The following CAB39 variants were observed in gnomAD, a reference collection of about 807,000 sequenced individuals.
CAB39 encodes the protein calcium binding protein 39, also known as calcium-binding protein 39.
A neutral mutation model predicts 40.0 loss-of-function variants in CAB39; 8 were observed. The ratio of observed to expected loss-of-function variants is 0.20; its 90% CI spans 0.12 to 0.36. CAB39 has a LOEUF of 0.36. Among genes scored for constraint, CAB39 ranks in the 10% least tolerant of loss-of-function variants. The pLI is 1.00. For missense variants in CAB39, 270 were observed against 401.1 expected, an observed-to-expected ratio of 0.67 and a Z score of 2.79; for synonymous variants, 156 against 141.6, an observed-to-expected ratio of 1.10 and a Z score of -0.72.
chr2:230,811,074 C>G (rs567200687), intron 6 of CAB39, among the ~76,000 whole-genome samples: 5 of 152,300 alleles, frequency 3.3e-5, no homozygotes, highest in African/African-American at 1.2e-4. Flanking sequence ...ACTGGTTTAA[C>G]TACACATCGT....
chr2:230,756,702 T>C (rs1695198840), intron 1 of CAB39, among the ~76,000 whole-genome samples: 1 of 149,310 alleles, frequency 6.7e-6, no homozygotes, highest in South Asian at 2.1e-4. Context: ...TATTTATTTA[T>C]TTATTTTTGA....
intron 6 of CAB39, among the ~76,000 whole-genome samples, chr2:230,811,188 A>G (rs957482415): frequency 6.6e-6 from 1 of 152,106 alleles, no homozygotes; most frequent in Non-Finnish European, 1.5e-5. Context: ...TTTTTCCACT[A>G]CTCATTTAAA....
chr2:230,713,325 A>C (rs1575891442), intron 1 of CAB39, 95 bp downstream of exon 1: 1 of 152,044 alleles, frequency 6.6e-6, no homozygotes, highest in East Asian at 1.9e-4. Flanking sequence ...GGCTGCCTCC[A>C]TTTTCCTGGG....
chr2:230,748,749 G>A, intron 1 of CAB39, among the ~76,000 whole-genome samples: 1 of 145,906 alleles, frequency 6.9e-6, no homozygotes, highest in East Asian at 2.0e-4. Flanking sequence ...AGAGTTTGCA[G>A]TGAGCTGAGA....
intron 2 of CAB39, among the ~76,000 whole-genome samples, chr2:230,772,982 T>TAAAAA (rs10713369): frequency 2.1e-4 from 24 of 115,058 alleles, no homozygotes; most frequent in African/African-American, 6.8e-4. Context: ...TACTCAGCAA[T>TAAAAA]AAAAAAAAAA....
intron 1 of CAB39, among the ~76,000 whole-genome samples, chr2:230,717,567 C>T (rs1040514813): frequency 6.6e-6 from 1 of 152,178 alleles, no homozygotes; most frequent in African/African-American, 2.4e-5. Flanking sequence ...TCTGCCGTCA[C>T]CATTTGTAGA....
intron 2 of CAB39, among the ~76,000 whole-genome samples, chr2:230,771,132 A>G (rs530333632): frequency 3.5e-4 from 54 of 152,272 alleles, no homozygotes; most frequent in African/African-American, 1.2e-3. Flanking sequence ...GATCATCTAC[A>G]TAGAAAAACT....
At chr2:230,757,084 G>A (rs930498771) in intron 1 of CAB39, among the ~76,000 whole-genome samples, 1 of 151,894 alleles carries the variant, frequency 6.6e-6, no homozygotes, top group African/African-American at 2.4e-5. Context: ...TTCTTGTTTT[G>A]GGTAGTTGTT....
chr2:230,797,753 ACAGT>A (rs150866911), intron 4 of CAB39, among the ~76,000 whole-genome samples: 4,960 of 152,232 alleles, frequency 0.033, 265 homozygotes, highest in African/African-American at 0.11. Context: ...AGAAATGGGA[ACAGT>A]CAGAGAGATA....
At chr2:230,812,800 A>G (rs759115235) in intron 6 of CAB39, among the ~76,000 whole-genome samples, 55 of 152,236 alleles carry the variant, frequency 3.6e-4, no homozygotes, top group Non-Finnish European at 6.3e-4. Flanking sequence ...TTTGTAAGCC[A>G]TGTGGTCTCT....
intron 5 of CAB39, among the ~76,000 whole-genome samples, chr2:230,809,179 T>G (rs1696259544): frequency 1.3e-5 from 2 of 152,068 alleles, no homozygotes; most frequent in South Asian, 4.1e-4. Context: ...ACAAAAGAGC[T>G]CCCTGTGCAG....
chr2:230,728,802 G>C (rs1255621898), intron 1 of CAB39, among the ~76,000 whole-genome samples: 1 of 151,916 alleles, frequency 6.6e-6, no homozygotes, highest in Admixed American at 6.6e-5. Flanking sequence ...TTGTGGAGAC[G>C]GGATCTCATT....
rs184042337 is a variant in CAB39 at position 230,730,824 on chromosome 2, A to G, written c.-44+17594A>G. On this transcript the variant is annotated intron_variant, in intron 1 of 8. Transcript: ENST00000258418. ...GTCGAGTGATAGAAGAAAAGAACTA[A>G]GAAAAATGTGTGAAAAAAATTTGTG... Among the ~76,000 whole-genome samples the G allele has an allele frequency of 5.1e-4, 78 of 152,338 alleles. No individual in the cohort carries two copies. In the Middle Eastern group the frequency reaches 0.01, roughly 20 times the overall value.
intron 1 of CAB39, among the ~76,000 whole-genome samples, chr2:230,721,031 C>A (rs562331911): frequency 1.3e-5 from 2 of 152,220 alleles, no homozygotes; most frequent in Admixed American, 1.3e-4. Flanking sequence ...TTGTTTCTTA[C>A]CTTTTAAAAT....
At chr2:230,725,073 C>A in intron 1 of CAB39, 1 of 1,532,030 alleles carries the variant, frequency 6.5e-7, no homozygotes, top group Non-Finnish European at 9.0e-7. Flanking sequence ...TCGTAGAGGA[C>A]AGGGGAGGAG....
intron 2 of CAB39, among the ~76,000 whole-genome samples, chr2:230,767,524 CAG>C (rs563386352): frequency 1.4e-3 from 209 of 152,292 alleles, no homozygotes; most frequent in African/African-American, 4.8e-3. Context: ...AAAGTCCTAA[CAG>C]GGGCCTAAAG....
Position 230,760,038 on chromosome 2 carries a change from G to T in CAB39, c.37G>T (p.Ala13Ser). The T allele has an allele frequency of 6.2e-7, 1 of 1,613,782 alleles. No homozygotes were observed. Among genetic ancestry groups the T allele is most frequent in the Non-Finnish European group, 8.5e-7 (1 of 1,179,702 alleles). The change falls in exon 2 of 9, where the codon GCA becomes TCA. Residue 13 changes from alanine to serine, a missense_variant. Physicochemically the swap from Ala to Ser is moderately conservative, Grantham distance 99. Coordinates refer to ENST00000258418, the MANE Select transcript of CAB39 (RefSeq NM_016289.4). Reference protein sequence around the residue: ...FPFGKSHKSPADIVKNLKESM... With the variant: ...FPFGKSHKSPSDIVKNLKESM... ...GTTTGGGAAGTCTCACAAATCTCCA[G>T]CAGACATTGTGAAGAATCTGAAGGA...
chr2:230,774,200 A>T (rs537224587), intron 2 of CAB39, among the ~76,000 whole-genome samples: 1 of 152,306 alleles, frequency 6.6e-6, no homozygotes, highest in Admixed American at 6.5e-5. Flanking sequence ...CACTTTATTC[A>T]TTATGTCCCT....
chr2:230,793,144 A>C, intron 3 of CAB39, 69 bp from the exon 4 acceptor site: 2 of 842,152 alleles, frequency 2.4e-6, no homozygotes, highest in Middle Eastern at 2.2e-4. Context: ...ATTCGAGTTC[A>C]TTTGGGAGGG....
Sources: gnomAD v4.1 joint callset for allele counts (sites outside exome capture counted in the v4.1 genomes callset) on GRCh38, gnomAD v4.1.1 for gene constraint, MANE v1.5 for transcripts, NCBI Gene and HGNC (gene_info 2026-07-23, HGNC 2026-07-21) for gene names.